The following RGSL1 variants were observed in gnomAD, a reference collection of about 807,000 sequenced individuals.
RGSL1 encodes regulator of G protein signaling like 1, also known as regulator of G protein signaling protein-like.
Under a neutral mutation model 124.7 loss-of-function variants are expected in RGSL1, and 97 were observed. The observed-to-expected ratio is 0.78, with a 90% CI of 0.66 to 0.92. The LOEUF (loss-of-function observed/expected upper bound fraction) is 0.92, where lower values mean the gene tolerates loss of function less well. Ranked by LOEUF, RGSL1 falls within the 40% of genes least tolerant of loss-of-function variation. RGSL1 has a pLI of 0.00. For missense variants in RGSL1, 1,233 were observed against 1,288.4 expected, an observed-to-expected ratio of 0.96 and a Z score of 0.66; for synonymous variants, 424 against 438.1, an observed-to-expected ratio of 0.97 and a Z score of 0.40.
chr1:182,522,009 A>T lies in RGSL1; in HGVS notation c.1831A>T (p.Lys611Ter). ...CTTAGTGATTTTTTTTTTAGATTTT[A>T]AAATGGAAATTATCAAGGAAACAAA... is the stretch of plus-strand genomic sequence containing the variant. ...YCEKAPKIDF[K>*]MEIIKETKTV... is the part of the protein sequence containing the mutation. Residue 611 changes from lysine (K) to a stop codon, truncating the protein, a stop_gained, in exon 10 of 22, where the codon AAA (lysine) becomes TAA (stop). Coordinates refer to ENST00000294854, the MANE Select transcript of RGSL1 (RefSeq NM_001137669.2). LOFTEE classifies it high-confidence loss of function. The T allele has an allele frequency of 6.5e-7, 1 of 1,532,080 alleles. No homozygotes were observed. The highest frequency in any genetic ancestry group is 2.2e-5 in the Admixed American group (1 of 46,232). The allele number at this position is 1,532,080 out of a possible 1,614,324, so 94.9% of individuals were successfully genotyped here.
At chr1:182,449,010 C>T (rs879689398), upstream of RGSL1, among the ~76,000 whole-genome samples, 10 of 152,106 alleles carry the variant, frequency 6.6e-5, no homozygotes, top group Non-Finnish European at 1.2e-4. Context: ...GAGACCTTGA[C>T]TCTATTTATT....
chr1:182,537,415 A>T (rs1419852724), intron 14 of RGSL1, among the ~76,000 whole-genome samples: 1 of 152,230 alleles, frequency 6.6e-6, no homozygotes, highest in Admixed American at 6.5e-5. Context: ...CCAAAATCTG[A>T]AACACTTCTG....
chr1:182,540,599 T>C (rs1444163383), intron 15 of RGSL1, among the ~76,000 whole-genome samples, 178 bp downstream of exon 15: 1 of 152,170 alleles, frequency 6.6e-6, no homozygotes, highest in African/African-American at 2.4e-5. Flanking sequence ...ACCTTTCTTT[T>C]CTTTGGGTGC....
At chr1:182,503,151 C>A (rs1489862127) in intron 9 of RGSL1, among the ~76,000 whole-genome samples, 1 of 152,180 alleles carries the variant, frequency 6.6e-6, no homozygotes. Context: ...AACCCCACTG[C>A]TAGGTATACC....
chr1:182,546,216 G>A (rs1381796679), intron 15 of RGSL1, among the ~76,000 whole-genome samples: 3 of 152,106 alleles, frequency 2.0e-5, no homozygotes, highest in Non-Finnish European at 4.4e-5. Context: ...GGAGAATGAA[G>A]CCAACTTGCT....
chr1:182,538,171 C>T lies in RGSL1; in HGVS notation c.2495-2076C>T, dbSNP rs187418367. ...TTTGTCTGATTTTTAAAAATCGTTT[C>T]GGAAGGGAGGATAAATCCAGTTCTT... is the stretch of plus-strand genomic sequence containing the variant. On this transcript the variant is annotated intron_variant, in intron 14 of 21. Coordinates refer to ENST00000294854, the MANE Select transcript of RGSL1 (RefSeq NM_001137669.2). Among the ~76,000 whole-genome samples, 14 of 152,180 alleles carry T rather than the reference C, an allele frequency of 9.2e-5. No homozygotes were observed. In the East Asian group the frequency reaches 1.7e-3, roughly 19 times the overall value.
chr1:182,511,258 C>T (rs982759230), intron 9 of RGSL1, among the ~76,000 whole-genome samples: 4 of 152,048 alleles, frequency 2.6e-5, no homozygotes, highest in African/African-American at 7.3e-5. Context: ...GTGTGCCTCC[C>T]GGTTCAAGAG....
chr1:182,506,983 C>CTTTTTTT (rs71127304), intron 9 of RGSL1, among the ~76,000 whole-genome samples: 4 of 99,406 alleles, frequency 4.0e-5, no homozygotes, highest in African/African-American at 7.8e-5. Flanking sequence ...GCTCACCTTT[C>CTTTTTTT]TTTTTTTTTT....
Position 182,473,810 on chromosome 1 carries a change from C to T in RGSL1, c.699C>T (p.Asn233=), listed in dbSNP as rs1307252187. 1 of 1,551,624 alleles carries T rather than the reference C, an allele frequency of 6.4e-7. No homozygotes were observed. The highest frequency in any genetic ancestry group is 1.4e-5 in the African/African-American group (1 of 73,046). Reference sequence around the variant, plus strand: ...CCCACATAGGAGGGCTCCCTCTGAACATGAGCATCAAGAAGTGCCACCACT... The same window carrying T: ...CCCACATAGGAGGGCTCCCTCTGAATATGAGCATCAAGAAGTGCCACCACT... The part of the protein sequence containing the change: ...CYTHIGGLPL[N]MSIKKCHHFQ... Residue 233 remains asparagine, a synonymous_variant, in exon 6 of 22, where the codon AAC becomes AAT. Coordinates refer to ENST00000294854, the MANE Select transcript of RGSL1 (RefSeq NM_001137669.2).
intron 6 of RGSL1, among the ~76,000 whole-genome samples, chr1:182,479,957 C>A (rs958288436): frequency 6.6e-6 from 1 of 152,094 alleles, no homozygotes; most frequent in African/African-American, 2.4e-5. Flanking sequence ...ACATACGCAC[C>A]CAACATCATC....
In RGSL1 at chr1:182,474,494, T is replaced by G. The variant is rs1654129778; in HGVS notation, c.1383T>G (p.Ser461=). The G allele has an allele frequency of 6.4e-7, 1 of 1,550,442 alleles. No homozygotes were observed. Among genetic ancestry groups the G allele is most frequent in the African/African-American group, 1.4e-5 (1 of 73,024 alleles). ...TIQGLKELLP[S]GDVIPWIPKA... ...AGGGCCTGAAGGAACTATTGCCCTCTGGGGATGTGATCCCCTGGATTCCCA... is the reference window on the plus strand; with the variant it reads ...AGGGCCTGAAGGAACTATTGCCCTCGGGGGATGTGATCCCCTGGATTCCCA... The change falls in exon 6 of 22, where the codon TCT becomes TCG. Residue 461 remains serine, a synonymous_variant. Coordinates refer to ENST00000294854, the MANE Select transcript of RGSL1 (RefSeq NM_001137669.2).
At chr1:182,533,187 A>G (rs1659302811) in intron 14 of RGSL1, among the ~76,000 whole-genome samples, 1 of 151,894 alleles carries the variant, frequency 6.6e-6, no homozygotes, top group Non-Finnish European at 1.5e-5. Context: ...TCAAGAGATA[A>G]CATTGTTAAT....
chr1:182,464,058 T>A (rs1418744584), intron 4 of RGSL1, among the ~76,000 whole-genome samples: 2 of 152,112 alleles, frequency 1.3e-5, no homozygotes, highest in Non-Finnish European at 2.9e-5. Context: ...GAAGTTAAAG[T>A]AGAAAATTCA....
intron 4 of RGSL1, 70 bp downstream of exon 4, chr1:182,460,203 C>T: frequency 1.4e-6 from 2 of 1,473,160 alleles, no homozygotes; most frequent in Non-Finnish European, 1.8e-6. Context: ...TAGGAAGTCA[C>T]ACTTCATAAT....
Position 182,531,681 on chromosome 1 carries a change from C to T in RGSL1, c.2364+771C>T, listed in dbSNP as rs140710196. ...ATGAATAAACTCCATGTCAGGGCAC[C>T]ACGAATGGTCATATAGACTACTAAA... On this transcript the variant is annotated intron_variant, in intron 13 of 21. Transcript: ENST00000294854. Among the ~76,000 whole-genome samples the T allele has an allele frequency of 7.3e-3, 1,107 of 152,220 alleles. 15 individuals carry two copies. Among genetic ancestry groups the T allele is most frequent in the Middle Eastern group, 0.027 (8 of 294 alleles).
At chr1:182,554,527 G>T in intron 19 of RGSL1, 100 bp from the exon 20 acceptor site, 3 of 992,992 alleles carry the variant, frequency 3.0e-6, no homozygotes, top group South Asian at 1.4e-5. Flanking sequence ...GGAGGTGTCC[G>T]TGGAAGCCCA....
At chr1:182,457,570 G>A (rs2986061) in intron 2 of RGSL1, among the ~76,000 whole-genome samples, 38,040 of 152,094 alleles carry the variant, frequency 0.25, 4,999 homozygotes, top group East Asian at 0.39. Flanking sequence ...AAAAGTGTGA[G>A]GCTGTTCATC....
chr1:182,506,608 C>T (rs1358457403), intron 9 of RGSL1, among the ~76,000 whole-genome samples: 1 of 152,102 alleles, frequency 6.6e-6, no homozygotes, highest in Admixed American at 6.5e-5. Flanking sequence ...AGCTAAGCCC[C>T]TTTTAAGTCT....
intron 15 of RGSL1, among the ~76,000 whole-genome samples, chr1:182,543,450 C>T (rs905974799): frequency 1.6e-4 from 25 of 152,054 alleles, no homozygotes; most frequent in African/African-American, 5.6e-4. Flanking sequence ...ATTTGGTTTG[C>T]TGGTATTTTG....
Sources: allele counts gnomAD v4.1 joint callset (sites outside exome capture counted in the v4.1 genomes callset), GRCh38; gene constraint gnomAD v4.1.1; transcripts MANE v1.5; gene names NCBI Gene and HGNC (gene_info 2026-07-23, HGNC 2026-07-21).